TCF4: variants seen among roughly 807,000 people sequenced by gnomAD.
TCF4 encodes transcription factor 4, also known as SL3-3 enhancer factor 2.
A neutral mutation model predicts 82.1 loss-of-function variants in TCF4; 3 were observed. The ratio of observed to expected loss-of-function variants is 0.04; its 90% CI spans 0.02 to 0.09. TCF4 has a LOEUF of 0.09. Among genes scored for constraint, TCF4 ranks in the 10% least tolerant of loss-of-function variants. The pLI is 1.00. For missense variants in TCF4, 518 were observed against 852.7 expected (o/e 0.61, Z 4.89); for synonymous variants, 276 against 309.6 (o/e 0.89, Z 1.14).
chr18:55,350,495 C>T, intron 7 of TCF4, 87 bp from the exon 8 acceptor site: 2 of 1,356,118 alleles, frequency 1.5e-6, no homozygotes, highest in Non-Finnish European at 2.1e-6. Context: ...CTAGATGATA[C>T]CACATTTCCT....
At chr18:55,503,891 G>A (rs890280006) in intron 3 of TCF4, among the ~76,000 whole-genome samples, 7 of 152,030 alleles carry the variant, frequency 4.6e-5, no homozygotes, top group South Asian at 2.1e-4. Context: ...CCTGGCCAAC[G>A]TGATGAAACT....
Position 55,222,705 on chromosome 18 carries a change from C to T in TCF4, c.*5330G>A, listed in dbSNP as rs1156499941. ...ACATTGCATACATTACTTTACATTT[C>T]TACAGTGCAATGTTGAAATAGCCTC... On this transcript the variant is annotated 3_prime_UTR_variant, in exon 20 of 20. Coordinates refer to ENST00000354452, the MANE Select transcript of TCF4 (RefSeq NM_001083962.2). 6.6e-6 allele frequency: 1 copy of T among 152,614 alleles called. No homozygotes were observed. Among genetic ancestry groups the T allele is most frequent in the Non-Finnish European group, 1.5e-5 (1 of 68,040 alleles). The allele number at this position is 152,614 out of a possible 1,614,324, so 9.5% of individuals were successfully genotyped here. A position where few individuals can be genotyped will look rare whatever the true frequency, so the allele number is the denominator to read the frequency against.
intron 5 of TCF4, among the ~76,000 whole-genome samples, chr18:55,410,918 A>T (rs1435906371): frequency 6.6e-6 from 1 of 152,168 alleles, no homozygotes; most frequent in Non-Finnish European, 1.5e-5. Context: ...ATTGTCCTAG[A>T]TGATTTCACA....
rs529910444 is a variant in TCF4, at chr18:55,602,958, A to G, written c.287-15822T>C. Among the ~76,000 whole-genome samples the G allele has an allele frequency of 1.8e-4, 28 of 152,290 alleles. No homozygotes were observed. The South Asian group carries it at 5.8e-3, about 32-fold the overall frequency. On this transcript the variant is annotated intron_variant, in intron 2 of 20. Transcript: ENST00000398339. ...AGAGCTCAGGAAAAAGGGAAACCAA[A>G]ATGAACATAATGTAAAATGTAATAG... is the stretch of plus-strand genomic sequence containing the variant.
At chr18:55,579,364 T>G (rs2097556165) in intron 3 of TCF4, among the ~76,000 whole-genome samples, 1 of 151,818 alleles carries the variant, frequency 6.6e-6, no homozygotes, top group Non-Finnish European at 1.5e-5. Flanking sequence ...TTAAAAAATC[T>G]GTAATGTATT....
intron 11 of TCF4, chr18:55,265,023 C>G (rs1017932884): frequency 6.6e-5 from 10 of 152,216 alleles, no homozygotes; most frequent in African/African-American, 2.4e-4. Context: ...TCTTGGGTTA[C>G]ATGCTAGACC....
At chr18:55,423,912 G>C (rs547999218) in intron 5 of TCF4, among the ~76,000 whole-genome samples, 3 of 152,148 alleles carry the variant, frequency 2.0e-5, no homozygotes, top group South Asian at 2.1e-4. Context: ...TGGGCGGAAG[G>C]GGGGATGGGA....
At chr18:55,393,959 A>G (rs1299014979) in intron 6 of TCF4, among the ~76,000 whole-genome samples, 1 of 152,172 alleles carries the variant, frequency 6.6e-6, no homozygotes, top group Non-Finnish European at 1.5e-5. Context: ...ATAATACTGC[A>G]ATGGCAGATG....
chr18:55,267,962 C>T (rs2059565938), intron 11 of TCF4: 1 of 152,120 alleles, frequency 6.6e-6, no homozygotes, highest in African/African-American at 2.4e-5. Flanking sequence ...CAAGTAGATT[C>T]TCCTGTTCAT....
intron 3 of TCF4, among the ~76,000 whole-genome samples, chr18:55,472,359 T>TA (rs2096202567): frequency 6.6e-6 from 1 of 152,194 alleles, no homozygotes; most frequent in Non-Finnish European, 1.5e-5. Flanking sequence ...GCCTTTATAT[T>TA]AATTTATATA....
intron 8 of TCF4, among the ~76,000 whole-genome samples, chr18:55,309,568 G>T (rs1478878493): frequency 6.6e-6 from 1 of 152,204 alleles, no homozygotes; most frequent in Non-Finnish European, 1.5e-5. Context: ...TTGAGAAAAT[G>T]TCTGAAAGAA....
chr18:55,274,128 C>T (rs2060977909), intron 10 of TCF4, among the ~76,000 whole-genome samples: 1 of 152,130 alleles, frequency 6.6e-6, no homozygotes, highest in South Asian at 2.1e-4. Context: ...TGAGTTCCCA[C>T]AGAAGTGGAA....
At chr18:55,275,830 G>A in intron 9 of TCF4, 78 bp from the exon 10 acceptor site, 3 of 1,550,034 alleles carry the variant, frequency 1.9e-6, no homozygotes, top group Non-Finnish European at 1.8e-6. Flanking sequence ...TCATATACTT[G>A]AAAATGACTG....
intron 2 of TCF4, among the ~76,000 whole-genome samples, chr18:55,604,281 C>T (rs996856163): frequency 6.6e-6 from 1 of 152,022 alleles, no homozygotes; most frequent in Non-Finnish European, 1.5e-5. Context: ...CCCACCCCCA[C>T]CCCAGAATCC....
intron 2 of TCF4, chr18:55,585,853 G>T (rs1299250601): frequency 2.6e-6 from 3 of 1,160,718 alleles, no homozygotes; most frequent in African/African-American, 1.6e-5. Context: ...AGAGCAATTT[G>T]AAGCAAGACT....
At position 55,225,330 on chromosome 18, in the gene TCF4, GACT is replaced by G. The variant is rs150498725; in HGVS notation, c.*2702_*2704del. ...GCACCAATTTAAAAAATAATCAAAT[GACT>G]ACAATTTACTTTTTTGCTTTGTTTA... On this transcript the variant is annotated 3_prime_UTR_variant, in exon 20 of 20. Coordinates refer to ENST00000354452, the MANE Select transcript of TCF4 (RefSeq NM_001083962.2). The G allele has an allele frequency of 0.034, 5,214 of 152,596 alleles. 146 individuals are homozygous for G. Among genetic ancestry groups the G allele is most frequent in the Non-Finnish European group, 0.049 (3,302 of 67,976 alleles). 9.5% of individuals were successfully genotyped at this position (152,596 alleles called of 1,614,324 possible).
At chr18:55,290,662 T>G (rs2064844769) in intron 8 of TCF4, among the ~76,000 whole-genome samples, 1 of 152,160 alleles carries the variant, frequency 6.6e-6, no homozygotes, top group South Asian at 2.1e-4. Flanking sequence ...ATGTCTTTAG[T>G]GCTGTGTTTG....
chr18:55,343,662 T>A (rs1175092863), intron 8 of TCF4, among the ~76,000 whole-genome samples: 1 of 152,062 alleles, frequency 6.6e-6, no homozygotes, highest in Admixed American at 6.6e-5. Flanking sequence ...GAAGAGGGAG[T>A]ATATGCTCAA....
At chr18:55,589,352 G>A (rs2097678948), upstream of TCF4, 4 of 1,053,158 alleles carry the variant, frequency 3.8e-6, no homozygotes, top group Non-Finnish European at 4.6e-6. Flanking sequence ...TTTAAAAAGA[G>A]AGACAAAAAT....
Sources: gnomAD v4.1 joint callset for allele counts (sites outside exome capture counted in the v4.1 genomes callset) on GRCh38, gnomAD v4.1.1 for gene constraint, MANE v1.5 for transcripts, NCBI Gene and HGNC (gene_info 2026-07-23, HGNC 2026-07-21) for gene names.